The following POU2F1 variants were observed in gnomAD, a reference collection of about 807,000 sequenced individuals.
POU2F1 encodes the protein POU class 2 homeobox 1, also known as POU domain, class 2, transcription factor 1.
A neutral mutation model predicts 84.9 loss-of-function variants in POU2F1; 16 were observed. That is an observed-to-expected ratio of 0.19 (90% CI 0.13 to 0.29). The LOEUF is 0.29. POU2F1 is among the 10% of genes least tolerant of loss of function. The pLI, the probability that POU2F1 is intolerant of heterozygous loss-of-function variation, is 1.00. For synonymous variants in POU2F1, 368 were observed against 368.3 expected (o/e 1.00, Z 0.01); for missense variants, 738 against 942.6 (o/e 0.78, Z 2.84).
At chr1:167,389,478 G>C (rs1648227412) in intron 8 of POU2F1, 110 bp from the exon 9 acceptor site, 5 of 1,145,062 alleles carry the variant, frequency 4.4e-6, no homozygotes, top group Non-Finnish European at 6.3e-6. Flanking sequence ...GTGTTACATG[G>C]TCTTCATCGT....
rs1225908466 is a variant in POU2F1, at chr1:167,415,940, A to AG, written c.*131dup. ...GTTGTGAGGGCAAAGGAGAGAAGGG[A>AG]GAAAAAAAAAAAAAAACCACACACA... On this transcript the variant is annotated 3_prime_UTR_variant, in exon 16 of 16. Coordinates refer to ENST00000367866, the MANE Select transcript of POU2F1 (RefSeq NM_002697.4). 268 of 573,612 alleles carry AG rather than the reference A, an allele frequency of 4.7e-4. 2 individuals carry two copies. Among genetic ancestry groups the AG allele is most frequent in the Admixed American group, 2.7e-4 (7 of 25,802 alleles). 35.5% of individuals were successfully genotyped at this position (573,612 alleles called of 1,614,324 possible). A position where few individuals can be genotyped will look rare whatever the true frequency, so the allele number is the denominator to read the frequency against.
chr1:167,332,142 A>T (rs541639270), intron 1 of POU2F1, among the ~76,000 whole-genome samples: 1 of 152,078 alleles, frequency 6.6e-6, no homozygotes, highest in Non-Finnish European at 1.5e-5. Flanking sequence ...GTTTTACTTC[A>T]TGTTAAAAGC....
At chr1:167,399,969 T>TTG (rs1491237220) in intron 12 of POU2F1, among the ~76,000 whole-genome samples, 2 of 11,184 alleles carry the variant, frequency 1.8e-4, no homozygotes, top group Non-Finnish European at 3.6e-4. Flanking sequence ...ATTCCCAGTC[T>TTG]TTTTTTTTTT....
At chr1:167,253,062 T>C (rs1650846560) in intron 1 of POU2F1, among the ~76,000 whole-genome samples, 2 of 152,232 alleles carry the variant, frequency 1.3e-5, no homozygotes, top group Admixed American at 1.3e-4. Flanking sequence ...TTACAATGCA[T>C]ATTTTAAAAT....
At chr1:167,291,044 G>GAAAAAAAAAAA (rs56798282) in intron 1 of POU2F1, among the ~76,000 whole-genome samples, 1 of 117,382 alleles carries the variant, frequency 8.5e-6, no homozygotes, top group Non-Finnish European at 1.8e-5. Flanking sequence ...GACCCTGTCA[G>GAAAAAAAAAAA]AAAAAAAAAA....
intron 2 of POU2F1, among the ~76,000 whole-genome samples, chr1:167,343,504 A>G (rs991314370): frequency 2.0e-5 from 3 of 152,094 alleles, no homozygotes; most frequent in Admixed American, 2.0e-4. Flanking sequence ...TTTGGTATAA[A>G]AGAATTTTCC....
intron 11 of POU2F1, among the ~76,000 whole-genome samples, chr1:167,398,607 A>G (rs540545121): frequency 2.0e-5 from 3 of 152,318 alleles, no homozygotes; most frequent in East Asian, 3.9e-4. Context: ...GTGTTAGGCT[A>G]TGGAGCTTAA....
At position 167,421,851 on chromosome 1, in the gene POU2F1, A is replaced by T. The variant is rs1322690205; in HGVS notation, c.*6041A>T. On this transcript the variant is annotated 3_prime_UTR_variant, in exon 16 of 16. Transcript: ENST00000367866. ...ATGTTTATTATGATCGATAAACAAG[A>T]TTGATGCTGTATGTATTTGGGATCC... The T allele has an allele frequency of 6.5e-5, 8 of 122,998 alleles. No individual in the cohort carries two copies. Among genetic ancestry groups the T allele is most frequent in the African/African-American group, 2.2e-4 (7 of 32,332 alleles). 7.6% of individuals were successfully genotyped at this position (122,998 alleles called of 1,614,324 possible).
intron 1 of POU2F1, among the ~76,000 whole-genome samples, chr1:167,233,286 G>A (rs953361136): frequency 2.6e-5 from 4 of 151,256 alleles, no homozygotes; most frequent in African/African-American, 7.3e-5. Flanking sequence ...ACAGGCGCAC[G>A]CACCCATGCC....
intron 1 of POU2F1, among the ~76,000 whole-genome samples, chr1:167,326,529 A>G (rs1656716539): frequency 6.6e-6 from 1 of 152,122 alleles, no homozygotes; most frequent in African/African-American, 2.4e-5. Context: ...CTTCCCCTCT[A>G]AAATTAGTAG....
chr1:167,237,766 ATATATAT>A (rs1449417156), intron 1 of POU2F1, among the ~76,000 whole-genome samples: 3 of 58,006 alleles, frequency 5.2e-5, no homozygotes, highest in South Asian at 1.4e-3. Context: ...ATATATATAT[ATATATAT>A]TTTTTTTTTT....
intron 1 of POU2F1, among the ~76,000 whole-genome samples, chr1:167,275,590 C>T (rs1460047793): frequency 6.6e-6 from 1 of 151,920 alleles, no homozygotes; most frequent in African/African-American, 2.4e-5. Context: ...AGCACACAGG[C>T]GAGATTATGG....
chr1:167,283,425 T>G (rs1343749973), intron 1 of POU2F1, among the ~76,000 whole-genome samples: 1 of 152,214 alleles, frequency 6.6e-6, no homozygotes, highest in Admixed American at 6.5e-5. Context: ...CTAGACCTCT[T>G]GATGTTGATG....
rs1650727213 is a variant in POU2F1 at position 167,422,862 on chromosome 1, TC to T, written c.*7056del. 1 of 152,228 alleles carries T rather than the reference TC, an allele frequency of 6.6e-6. No individual in the cohort carries two copies. Among genetic ancestry groups the T allele is most frequent in the Admixed American group, 6.5e-5 (1 of 15,286 alleles). The allele number at this position is 152,228 out of a possible 1,614,324, so 9.4% of individuals were successfully genotyped here. On this transcript the variant is annotated 3_prime_UTR_variant, in exon 16 of 16. Transcript: ENST00000367866. ...TTACTTTATCTCTTTCCTTCCCTTT[TC>T]CCCTTTTCCCAGTCCCCTGCTTTTT...
chr1:167,220,920 G>C lies in POU2F1; in HGVS notation c.23G>C (p.Ser8Thr), dbSNP rs1305584305. ...AAAATGGCGGACGGAGGAGCAGCGA[G>C]TCAAGATGAGAGTTCAGCCGCGGCG... is the stretch of plus-strand genomic sequence containing the variant. MADGGAA[S>T]QDESSAAAAA... is the part of the protein sequence containing the mutation. Residue 8 changes from serine to threonine, a missense_variant, in exon 1 of 16, where the codon AGT becomes ACT. This residue lies in a region of POU2F1 where 161 missense variants were observed against 147.0 expected (regional missense o/e 1.10). Transcript: ENST00000367866. The C allele has an allele frequency of 2.0e-6, 3 of 1,535,228 alleles. No homozygotes were observed. The highest frequency in any genetic ancestry group is 2.7e-5 in the African/African-American group (2 of 73,014).
chr1:167,375,987 A>C (rs202141360), intron 6 of POU2F1, 42 bp from the exon 7 acceptor site: 1 of 1,610,970 alleles, frequency 6.2e-7, no homozygotes, highest in Non-Finnish European at 8.5e-7. Flanking sequence ...GCGAACTTTT[A>C]TTTCAGAATC....
intron 1 of POU2F1, among the ~76,000 whole-genome samples, chr1:167,269,663 A>C (rs1385200834): frequency 1.3e-5 from 2 of 152,262 alleles, no homozygotes; most frequent in Non-Finnish European, 2.9e-5. Flanking sequence ...CTATAATCCC[A>C]GCACTTTGGG....
In POU2F1 at chr1:167,256,814, A is replaced by G. The variant is rs942676509; in HGVS notation, c.61+35856A>G. Among the ~76,000 whole-genome samples, 4 of 152,300 alleles carry G rather than the reference A, an allele frequency of 2.6e-5. No homozygotes were observed. In the South Asian group the frequency reaches 6.2e-4, roughly 24 times the overall value. ...TTTCCTGCTCTGAAGAGCCTGAGTGAATGCCTATTGATATATTAGAGTCTG... is the reference window on the plus strand; with the variant it reads ...TTTCCTGCTCTGAAGAGCCTGAGTGGATGCCTATTGATATATTAGAGTCTG... On this transcript the variant is annotated intron_variant, in intron 1 of 15. Transcript: ENST00000367866.
chr1:167,330,106 T>C (rs1275928203), intron 1 of POU2F1, among the ~76,000 whole-genome samples: 1 of 152,220 alleles, frequency 6.6e-6, no homozygotes, highest in African/African-American at 2.4e-5. Flanking sequence ...TGTGGAGTTA[T>C]GTCTGTTTAT....
Sources: allele counts gnomAD v4.1 joint callset (sites outside exome capture counted in the v4.1 genomes callset), GRCh38; gene constraint gnomAD v4.1.1; regional missense constraint gnomAD v4.1.1; transcripts MANE v1.5; gene names NCBI Gene and HGNC (gene_info 2026-07-23, HGNC 2026-07-21).